NDUFS4: variants seen among roughly 807,000 people sequenced by gnomAD.
NDUFS4 encodes the protein NADH:ubiquinone oxidoreductase subunit S4.
NDUFS4 carries 28 observed loss-of-function variants against 24.3 expected under a neutral mutation model. The observed-to-expected ratio is 1.15, with a 90% CI of 0.85 to 1.58. The LOEUF is 1.58. Among genes scored for constraint, NDUFS4 ranks in the 40% most tolerant of loss-of-function variants. The probability of loss-of-function intolerance (pLI) is 0.00; values close to 1 mark genes in which losing one functional copy is unlikely to be tolerated. For synonymous variants in NDUFS4, 93 were observed against 69.7 expected (o/e 1.34, Z -1.67); for missense variants, 223 against 207.9 (o/e 1.07, Z -0.45).
intron 3 of NDUFS4, among the ~76,000 whole-genome samples, chr5:53,651,267 A>G (rs1254745624): frequency 6.6e-6 from 1 of 152,000 alleles, no homozygotes; most frequent in African/African-American, 2.4e-5. Context: ...CATTTTAATG[A>G]CACAAAAATA....
chr5:53,679,789 T>C (rs367961199), intron 4 of NDUFS4, among the ~76,000 whole-genome samples: 1 of 152,242 alleles, frequency 6.6e-6, no homozygotes, highest in East Asian at 1.9e-4. Context: ...GAGTGTGTGT[T>C]GGGAGGTAAT....
At chr5:53,576,420 TTGTCTCTGTC>T (rs1407803258) in intron 1 of NDUFS4, among the ~76,000 whole-genome samples, 1 of 152,230 alleles carries the variant, frequency 6.6e-6, no homozygotes, top group East Asian at 1.9e-4. Context: ...TTTTTCTAGT[TTGTCTCTGTC>T]TGTCTCTGAA....
In NDUFS4 at chr5:53,621,690, A is replaced by ATTTT. The variant is rs58169759; in HGVS notation, c.177+18186_177+18189dup. On this transcript the variant is annotated intron_variant, in intron 2 of 4. Transcript: ENST00000296684. ...ATATTTGTTATAAACCTCATAGTAA[A>ATTTT]TTTTTTTTTTTTTTTTTTTTTTTTT... Among the ~76,000 whole-genome samples, 52 of 81,566 alleles carry ATTTT rather than the reference A, an allele frequency of 6.4e-4. 1 individual carries two copies. The highest frequency in any genetic ancestry group is 1.9e-3 in the African/African-American group (35 of 18,082). The allele number at this position is 81,566 out of a possible 152,430, so 53.5% of individuals were successfully genotyped here. A position where few individuals can be genotyped will look rare whatever the true frequency, so the allele number is the denominator to read the frequency against.
chr5:53,594,564 CTCATA>C (rs33929474), intron 1 of NDUFS4, among the ~76,000 whole-genome samples: 4,990 of 151,954 alleles, frequency 0.033, 283 homozygotes, highest in African/African-American at 0.11. Flanking sequence ...GTCTATTGTG[CTCATA>C]TCATCTGCAT....
intron 4 of NDUFS4, among the ~76,000 whole-genome samples, chr5:53,664,090 G>T (rs1264690569): frequency 6.6e-6 from 1 of 152,124 alleles, no homozygotes; most frequent in Non-Finnish European, 1.5e-5. Flanking sequence ...CTTCACTTAT[G>T]AAGCTTAGTT....
chr5:53,568,481 A>G (rs370521745), intron 1 of NDUFS4, among the ~76,000 whole-genome samples: 7 of 152,124 alleles, frequency 4.6e-5, no homozygotes, highest in East Asian at 1.9e-4. Flanking sequence ...AAATTCTTCC[A>G]TTTTTGCATA....
chr5:53,665,608 C>CA (rs1196772044), intron 4 of NDUFS4, among the ~76,000 whole-genome samples: 2 of 152,240 alleles, frequency 1.3e-5, no homozygotes, highest in Non-Finnish European at 2.9e-5. Flanking sequence ...GCTTTGTGGG[C>CA]ATAGGACCCT....
At chr5:53,642,735 A>C (rs1751739264) in intron 2 of NDUFS4, among the ~76,000 whole-genome samples, 1 of 152,182 alleles carries the variant, frequency 6.6e-6, no homozygotes, top group Admixed American at 6.6e-5. Flanking sequence ...GTTCATATAC[A>C]TATACTGGTA....
rs533686311 is a variant in NDUFS4 at position 53,680,870 on chromosome 5, C to G, written c.425-2248C>G. Among the ~76,000 whole-genome samples, 4 of 152,020 alleles carry G rather than the reference C, an allele frequency of 2.6e-5. No individual in the cohort carries two copies. In the South Asian group the frequency reaches 6.2e-4, roughly 24 times the overall value. ...ATAATAAAAAAATACATTTCAAGCA[C>G]TCAGCATGGGGACTAGAACATACTA... On this transcript the variant is annotated intron_variant, in intron 4 of 4. Transcript: ENST00000296684.
At chr5:53,599,012 AG>A (rs1750221610) in intron 1 of NDUFS4, among the ~76,000 whole-genome samples, 1 of 152,182 alleles carries the variant, frequency 6.6e-6, no homozygotes, top group Admixed American at 6.5e-5. Flanking sequence ...CAAACCCATG[AG>A]GCAAAGAATG....
intron 2 of NDUFS4, among the ~76,000 whole-genome samples, chr5:53,627,705 T>C (rs1207830236): frequency 6.6e-6 from 1 of 152,206 alleles, no homozygotes; most frequent in Non-Finnish European, 1.5e-5. Context: ...TGTATAAGAA[T>C]GCTTGTGATT....
chr5:53,580,689 C>CTTCTTTTCCT (rs1554054011), intron 1 of NDUFS4, among the ~76,000 whole-genome samples: 5 of 147,708 alleles, frequency 3.4e-5, no homozygotes, highest in African/African-American at 1.3e-4. Context: ...CTCTTTCGTC[C>CTTCTTTTCCT]TTCCTTTCCT....
intron 3 of NDUFS4, among the ~76,000 whole-genome samples, chr5:53,655,981 A>G (rs1455711307): frequency 6.6e-6 from 1 of 152,014 alleles, no homozygotes; most frequent in Non-Finnish European, 1.5e-5. Context: ...TTGCTGAATC[A>G]TGTACAGTTC....
chr5:53,591,471 G>GGGGA (rs1554054840), intron 1 of NDUFS4, among the ~76,000 whole-genome samples: 2 of 128,116 alleles, frequency 1.6e-5, no homozygotes, highest in Non-Finnish European at 3.3e-5. Flanking sequence ...TGGGGGGGGG[G>GGGGA]GGTGATAATA....
chr5:53,576,411 T>C (rs1159588776), intron 1 of NDUFS4, among the ~76,000 whole-genome samples: 1 of 152,190 alleles, frequency 6.6e-6, no homozygotes, highest in Non-Finnish European at 1.5e-5. Context: ...ACCAGGTTCT[T>C]TTTCTAGTTT....
At chr5:53,567,040 G>A (rs1749050880) in intron 1 of NDUFS4, among the ~76,000 whole-genome samples, 1 of 152,028 alleles carries the variant, frequency 6.6e-6, no homozygotes, top group South Asian at 2.1e-4. Context: ...AATTAGAGAC[G>A]GGGTTTCACC....
chr5:53,580,332 C>T (rs1045131434), intron 1 of NDUFS4, among the ~76,000 whole-genome samples: 8 of 152,186 alleles, frequency 5.3e-5, no homozygotes, highest in African/African-American at 1.9e-4. Flanking sequence ...ATTTAGGACT[C>T]AACTAAAGAA....
At chr5:53,676,339 C>A (rs1206347498) in intron 4 of NDUFS4, among the ~76,000 whole-genome samples, 1 of 152,104 alleles carries the variant, frequency 6.6e-6, no homozygotes, top group East Asian at 1.9e-4. Flanking sequence ...ATTCTTATCC[C>A]TCGGGATATA....
intron 1 of NDUFS4, among the ~76,000 whole-genome samples, chr5:53,591,443 C>A (rs1749951548): frequency 1.2e-5 from 1 of 84,208 alleles, no homozygotes. Flanking sequence ...GTACTTGCTA[C>A]TTTTTGTTTG....
Sources: allele counts gnomAD v4.1 joint callset (sites outside exome capture counted in the v4.1 genomes callset), GRCh38; gene constraint gnomAD v4.1.1; transcripts MANE v1.5; gene names NCBI Gene and HGNC (gene_info 2026-07-23, HGNC 2026-07-21).